The following FA2H variants were observed in gnomAD, a reference collection of about 807,000 sequenced individuals.
FA2H encodes fatty acid 2-hydroxylase, also known as fatty acid alpha-hydroxylase.
A neutral mutation model predicts 44.9 loss-of-function variants in FA2H; 22 were observed. The ratio of observed to expected loss-of-function variants is 0.49; its 90% CI spans 0.35 to 0.70. The LOEUF is 0.70. Among genes scored for constraint, FA2H ranks in the 30% least tolerant of loss-of-function variants. FA2H has a pLI of 0.01. For synonymous variants in FA2H, 243 were observed against 213.2 expected, an observed-to-expected ratio of 1.14 and a Z score of -1.22; for missense variants, 501 against 504.9, an observed-to-expected ratio of 0.99 and a Z score of 0.07.
At chr16:74,753,239 G>A (rs1856298503) in intron 1 of FA2H, among the ~76,000 whole-genome samples, 1 of 152,196 alleles carries the variant, frequency 6.6e-6, no homozygotes, top group Admixed American at 6.5e-5. Context: ...TACAGAGCCA[G>A]AACTAGAGCA....
At chr16:74,739,009 G>A (rs1394485964) in intron 2 of FA2H, among the ~76,000 whole-genome samples, 3 of 152,342 alleles carry the variant, frequency 2.0e-5, no homozygotes, top group Non-Finnish European at 2.9e-5. Flanking sequence ...GATCTCATGC[G>A]ACAGGTGGGA....
intron 2 of FA2H, among the ~76,000 whole-genome samples, chr16:74,728,035 G>A (rs901656001): frequency 2.0e-5 from 3 of 152,178 alleles, no homozygotes; most frequent in African/African-American, 4.8e-5. Context: ...AGTTAGACTC[G>A]GAAGTCAGGC....
intron 1 of FA2H, among the ~76,000 whole-genome samples, chr16:74,752,386 C>G (rs1962542778): frequency 6.6e-6 from 1 of 152,130 alleles, no homozygotes; most frequent in African/African-American, 2.4e-5. Flanking sequence ...AAGTAGGGCT[C>G]TTGCCCACCT....
chr16:74,724,338 G>T (rs1175262584), intron 4 of FA2H, among the ~76,000 whole-genome samples: 1 of 152,192 alleles, frequency 6.6e-6, no homozygotes, highest in Non-Finnish European at 1.5e-5. Flanking sequence ...GATGCCACTC[G>T]CTCTAACGTG....
At chr16:74,768,399 A>G (rs768691476) in intron 1 of FA2H, among the ~76,000 whole-genome samples, 1 of 152,176 alleles carries the variant, frequency 6.6e-6, no homozygotes, top group Non-Finnish European at 1.5e-5. Context: ...AGCTGGCCCT[A>G]GCTTCGTCCT....
intron 4 of FA2H, 24 bp from the exon 5 acceptor site, chr16:74,719,184 G>A (rs1385783394): frequency 1.9e-6 from 3 of 1,605,450 alleles, no homozygotes; most frequent in Admixed American, 3.3e-5. Flanking sequence ...GGGAGAGCGA[G>A]GTGAGGACCG....
Position 74,774,803 on chromosome 16 carries a change from G to A in FA2H, c.-48C>T, listed in dbSNP as rs990806971. The stretch of plus-strand genomic sequence containing the variant: ...CGCGCAGCCCGGCGTCTGCTCTGCT[G>A]CCACCCTGAGCGCCTCTAACATCCC... On this transcript the variant is annotated 5_prime_UTR_variant, in exon 1 of 7. Coordinates refer to ENST00000219368, the MANE Select transcript of FA2H (RefSeq NM_024306.5). 4.8e-6 allele frequency: 6 copies of A among 1,259,080 alleles called. 1 individual carries two copies. The Admixed American group carries it at 1.3e-4, about 27-fold the overall frequency. 78.0% of individuals were successfully genotyped at this position (1,259,080 alleles called of 1,614,324 possible).
At chr16:74,724,251 C>T (rs972561403) in intron 4 of FA2H, among the ~76,000 whole-genome samples, 2 of 152,234 alleles carry the variant, frequency 1.3e-5, no homozygotes, top group East Asian at 1.9e-4. Context: ...GAGCACTCTC[C>T]GGCGCAGACT....
intron 2 of FA2H, among the ~76,000 whole-genome samples, chr16:74,735,806 C>A (rs1031844837): frequency 5.3e-5 from 8 of 152,144 alleles, no homozygotes; most frequent in South Asian, 2.1e-4. Flanking sequence ...ATAGCAAGAC[C>A]CTATCTCTAC....
chr16:74,753,219 G>A (rs892012632), intron 1 of FA2H, among the ~76,000 whole-genome samples: 1 of 152,170 alleles, frequency 6.6e-6, no homozygotes, highest in Non-Finnish European at 1.5e-5. Flanking sequence ...AAGTCACACC[G>A]CCAGTTAGAT....
intron 1 of FA2H, among the ~76,000 whole-genome samples, chr16:74,765,157 A>AT (rs1236108450): frequency 9.1e-6 from 1 of 109,506 alleles, no homozygotes; most frequent in Non-Finnish European, 2.2e-5. Context: ...ATTTTTCTTA[A>AT]TCTTTTTTTT....
At chr16:74,742,886 A>C (rs1421468798) in intron 1 of FA2H, among the ~76,000 whole-genome samples, 5 of 152,218 alleles carry the variant, frequency 3.3e-5, no homozygotes, top group African/African-American at 1.2e-4. Flanking sequence ...TTTCATAAAC[A>C]AGAGGAAATT....
At chr16:74,731,341 C>T (rs973531348) in intron 2 of FA2H, among the ~76,000 whole-genome samples, 1 of 148,872 alleles carries the variant, frequency 6.7e-6, no homozygotes, top group African/African-American at 2.5e-5. Flanking sequence ...TGGGATTTCA[C>T]CATGTTGGCC....
intron 1 of FA2H, among the ~76,000 whole-genome samples, chr16:74,750,983 A>C (rs1962516946): frequency 6.6e-6 from 1 of 151,944 alleles, no homozygotes; most frequent in African/African-American, 2.4e-5. Context: ...AGGTCATGCT[A>C]TCTTGCCCAG....
chr16:74,742,894 A>C (rs1009540299), intron 1 of FA2H, among the ~76,000 whole-genome samples: 4 of 152,230 alleles, frequency 2.6e-5, no homozygotes, highest in Admixed American at 2.0e-4. Flanking sequence ...ACAAGAGGAA[A>C]TTTCAATACC....
intron 1 of FA2H, among the ~76,000 whole-genome samples, chr16:74,773,895 G>C (rs984991263): frequency 6.6e-6 from 1 of 152,166 alleles, no homozygotes; most frequent in African/African-American, 2.4e-5. Context: ...CCAGCGTGTA[G>C]GACAAGAATA....
At chr16:74,760,210 C>T (rs1567649237) in intron 1 of FA2H, among the ~76,000 whole-genome samples, 7 of 152,146 alleles carry the variant, frequency 4.6e-5, no homozygotes, top group Admixed American at 2.6e-4. Context: ...CAGTGACCTC[C>T]GGGCAAGTCA....
chr16:74,747,926 G>A (rs1266839550), intron 1 of FA2H, among the ~76,000 whole-genome samples: 1 of 152,142 alleles, frequency 6.6e-6, no homozygotes, highest in African/African-American at 2.4e-5. Flanking sequence ...AAAGGAGAGG[G>A]AATCCAACCA....
At position 74,774,735 on chromosome 16, in the gene FA2H, G is replaced by T. The variant is rs918733475; in HGVS notation, c.21C>A (p.Pro7=). The T allele has an allele frequency of 4.1e-5, 54 of 1,321,142 alleles. No homozygotes were observed. The African/African-American group carries it at 7.5e-4, about 18-fold the overall frequency. The allele number at this position is 1,321,142 out of a possible 1,614,324, so 81.8% of individuals were successfully genotyped here. A position where few individuals can be genotyped will look rare whatever the true frequency, so the allele number is the denominator to read the frequency against. The part of the protein sequence containing the change: MAPAPP[P]AASFSPSEVQ... Reference sequence around the variant, plus strand: ...CCTCGGAGGGCGAGAAGGAGGCGGCGGGGGGCGGAGCGGGGGCCATGGCCG... The same window carrying T: ...CCTCGGAGGGCGAGAAGGAGGCGGCTGGGGGCGGAGCGGGGGCCATGGCCG... The change falls in exon 1 of 7, where the codon CCC becomes CCA. Residue 7 remains proline (P), a synonymous_variant. Coordinates refer to ENST00000219368, the MANE Select transcript of FA2H (RefSeq NM_024306.5).
Sources: allele counts gnomAD v4.1 joint callset (sites outside exome capture counted in the v4.1 genomes callset), GRCh38; gene constraint gnomAD v4.1.1; transcripts MANE v1.5; gene names NCBI Gene and HGNC (gene_info 2026-07-23, HGNC 2026-07-21).